HS3ST3B1: variants seen among roughly 807,000 people sequenced by gnomAD.
HS3ST3B1 encodes the protein heparan sulfate glucosamine 3-O-sulfotransferase 3B1.
In HS3ST3B1, 13 loss-of-function variants were observed where a neutral mutation model predicts 21.3. The observed-to-expected ratio is 0.61, with a 90% CI of 0.40 to 0.97. The LOEUF (loss-of-function observed/expected upper bound fraction) is 0.97. Ranked by LOEUF, HS3ST3B1 falls within the 50% of genes least tolerant of loss-of-function variation. The pLI is 0.00. For synonymous variants in HS3ST3B1, 234 were observed against 254.8 expected, an observed-to-expected ratio of 0.92 and a Z score of 0.78; for missense variants, 459 against 554.8, an observed-to-expected ratio of 0.83 and a Z score of 1.73.
chr17:14,316,213 C>G (rs1333008170), intron 1 of HS3ST3B1, among the ~76,000 whole-genome samples: 1 of 152,212 alleles, frequency 6.6e-6, no homozygotes, highest in Non-Finnish European at 1.5e-5. Flanking sequence ...GTGATGTCAT[C>G]TCAAACCTAA....
At chr17:14,326,229 T>C (rs1372702095) in intron 1 of HS3ST3B1, among the ~76,000 whole-genome samples, 3 of 152,152 alleles carry the variant, frequency 2.0e-5, no homozygotes, top group Non-Finnish European at 4.4e-5. Flanking sequence ...TGCTTCCTGA[T>C]AGCTGGGGTG....
Position 14,301,710 on chromosome 17 carries a change from G to A in HS3ST3B1, c.192G>A (p.Leu64=). The A allele has an allele frequency of 6.2e-7, 1 of 1,603,382 alleles. No homozygotes were observed. The highest frequency in any genetic ancestry group is 8.5e-7 in the Non-Finnish European group (1 of 1,176,846). Residue 64 remains leucine, a synonymous_variant, in exon 1 of 2, where the codon CTG becomes CTA. Transcript: ENST00000360954. ...SCAAAPGLLL[L]GSGSRAAHDP... ...CCGCCGCGCCGGGGCTGCTGCTCCTGGGCTCTGGGTCCCGCGCCGCACACG... is the reference window on the plus strand; with the variant it reads ...CCGCCGCGCCGGGGCTGCTGCTCCTAGGCTCTGGGTCCCGCGCCGCACACG...
chr17:14,306,713 G>A (rs991715112), intron 1 of HS3ST3B1, among the ~76,000 whole-genome samples: 1 of 152,174 alleles, frequency 6.6e-6, no homozygotes, highest in African/African-American at 2.4e-5. Context: ...TGTCTTCACT[G>A]AGGGAAATTT....
chr17:14,332,936 C>T (rs182435039), intron 1 of HS3ST3B1, among the ~76,000 whole-genome samples: 3 of 141,992 alleles, frequency 2.1e-5, no homozygotes, highest in Admixed American at 7.6e-5. Flanking sequence ...GAGTGCTTGG[C>T]GGTGGTTGCT....
intron 1 of HS3ST3B1, among the ~76,000 whole-genome samples, chr17:14,329,682 T>C (rs767606757): frequency 1.3e-5 from 2 of 152,200 alleles, no homozygotes; most frequent in Non-Finnish European, 2.9e-5. Flanking sequence ...CAGTTTTTCT[T>C]TGTCTCCAAC....
chr17:14,331,270 A>G (rs1447692138), intron 1 of HS3ST3B1, among the ~76,000 whole-genome samples: 7 of 151,980 alleles, frequency 4.6e-5, no homozygotes, highest in Non-Finnish European at 8.8e-5. Context: ...GCAAAAGACT[A>G]TTAGCTTTTA....
chr17:14,345,493 G>T lies in HS3ST3B1; in HGVS notation c.1020G>T (p.Ala340=), dbSNP rs774444816. 1.3e-6 allele frequency: 2 copies of T among 1,569,880 alleles called. No homozygotes were observed. The highest frequency in any genetic ancestry group is 2.2e-5 in the East Asian group (1 of 44,462). ...KTKGFPCLKK[A]EGSSRPHCLG... The stretch of plus-strand genomic sequence containing the variant: ...AGGGCTTCCCCTGCCTGAAGAAGGC[G>T]GAGGGCAGCAGCCGGCCCCATTGCC... The change falls in exon 2 of 2, where the codon GCG becomes GCT. Residue 340 remains alanine (A), a synonymous_variant. Coordinates refer to ENST00000360954, the MANE Select transcript of HS3ST3B1 (RefSeq NM_006041.3).
intron 1 of HS3ST3B1, among the ~76,000 whole-genome samples, chr17:14,340,347 A>T (rs61601846): frequency 0.16 from 24,827 of 151,840 alleles, 2,400 homozygotes; most frequent in African/African-American, 0.24. Context: ...GTCCTATTAG[A>T]TCGGTTTAGC....
chr17:14,319,639 C>T (rs550105549), intron 1 of HS3ST3B1, among the ~76,000 whole-genome samples: 3 of 152,110 alleles, frequency 2.0e-5, no homozygotes, highest in Non-Finnish European at 4.4e-5. Flanking sequence ...CTGTAGCTTA[C>T]ATTCTAGTAG....
intron 1 of HS3ST3B1, among the ~76,000 whole-genome samples, chr17:14,315,304 A>AT (rs1909463324): frequency 6.6e-6 from 1 of 152,182 alleles, no homozygotes; most frequent in Non-Finnish European, 1.5e-5. Flanking sequence ...ATTGCATGTG[A>AT]TGAGCACACA....
In HS3ST3B1 at chr17:14,348,487, G is replaced by A. The variant is rs1183397901; in HGVS notation, c.*2841G>A. On this transcript the variant is annotated 3_prime_UTR_variant, in exon 2 of 2. Transcript: ENST00000360954. ...AGATCTGGTTGCAGCATCTGCCGGAGCTTGCACCCCATCATCGGACGGTCA... is the reference window on the plus strand; with the variant it reads ...AGATCTGGTTGCAGCATCTGCCGGAACTTGCACCCCATCATCGGACGGTCA... 6.6e-6 allele frequency: 1 copy of A among 152,198 alleles called. No individual in the cohort carries two copies. Among genetic ancestry groups the A allele is most frequent in the African/African-American group, 2.4e-5 (1 of 41,446 alleles). The allele number at this position is 152,198 out of a possible 1,614,324, so 9.4% of individuals were successfully genotyped here. A position where few individuals can be genotyped will look rare whatever the true frequency, so the allele number is the denominator to read the frequency against.
chr17:14,301,930 C>A lies in HS3ST3B1; in HGVS notation c.412C>A (p.Pro138Thr). Residue 138 changes from proline to threonine, a missense_variant, in exon 1 of 2, where the codon CCG (proline) becomes ACG (threonine). By Grantham distance (38) the Pro-to-Thr change is conservative (BLOSUM62 -1). This residue lies in a region of HS3ST3B1 where 317 missense variants were observed against 278.6 expected (regional missense o/e 1.14). Coordinates refer to ENST00000360954, the MANE Select transcript of HS3ST3B1 (RefSeq NM_006041.3). ...CAGTGGGTCTGGGAGCAAGCAGCTG[C>A]CGCAGGCCATCATCATCGGCGTGAA... Reference protein sequence around the residue: ...FFSGSGSKQLPQAIIIGVKKG... With the variant: ...FFSGSGSKQLTQAIIIGVKKG... 1.2e-6 allele frequency: 2 copies of A among 1,609,686 alleles called. No individual in the cohort carries two copies. The highest frequency in any genetic ancestry group is 1.7e-6 in the Non-Finnish European group (2 of 1,178,650).
intron 1 of HS3ST3B1, among the ~76,000 whole-genome samples, chr17:14,340,481 C>T (rs2142352535): frequency 6.6e-6 from 1 of 152,272 alleles, no homozygotes; most frequent in Non-Finnish European, 1.5e-5. Flanking sequence ...AATCTGTCTC[C>T]CCATCACTGC....
chr17:14,323,577 C>G (rs1392493969), intron 1 of HS3ST3B1, among the ~76,000 whole-genome samples: 3 of 147,952 alleles, frequency 2.0e-5, no homozygotes, highest in Non-Finnish European at 4.5e-5. Flanking sequence ...GTTTTATGTG[C>G]TTTTTTTTTT....
At chr17:14,327,388 A>G (rs1433084544) in intron 1 of HS3ST3B1, 1 of 152,222 alleles carries the variant, frequency 6.6e-6, no homozygotes, top group Non-Finnish European at 1.5e-5. Flanking sequence ...AAAGCATCCC[A>G]AGTTCAATGG....
At chr17:14,314,420 A>C (rs539840851) in intron 1 of HS3ST3B1, among the ~76,000 whole-genome samples, 1 of 152,322 alleles carries the variant, frequency 6.6e-6, no homozygotes, top group South Asian at 2.1e-4. Flanking sequence ...GGCAGTTCAA[A>C]AACCCCCAAA....
intron 1 of HS3ST3B1, among the ~76,000 whole-genome samples, chr17:14,334,677 A>C (rs1056443058): frequency 3.3e-5 from 5 of 152,182 alleles, no homozygotes; most frequent in Non-Finnish European, 7.3e-5. Flanking sequence ...GGTGTTGCAT[A>C]ATCTATGGGT....
intron 1 of HS3ST3B1, among the ~76,000 whole-genome samples, chr17:14,338,750 T>C (rs1244668389): frequency 2.0e-5 from 3 of 152,164 alleles, no homozygotes; most frequent in African/African-American, 7.2e-5. Context: ...GCCTGGCTTA[T>C]ACCTTTCTTG....
chr17:14,337,839 A>G (rs907256468), intron 1 of HS3ST3B1, among the ~76,000 whole-genome samples: 1 of 151,328 alleles, frequency 6.6e-6, no homozygotes, highest in Non-Finnish European at 1.5e-5. Flanking sequence ...TTTTCCCCCC[A>G]CGAAGGTGGA....
Sources: allele counts gnomAD v4.1 joint callset (sites outside exome capture counted in the v4.1 genomes callset), GRCh38; gene constraint gnomAD v4.1.1; regional missense constraint gnomAD v4.1.1; transcripts MANE v1.5; gene names NCBI Gene and HGNC (gene_info 2026-07-23, HGNC 2026-07-21).